The following KIF17 variants were observed in gnomAD, a reference collection of about 807,000 sequenced individuals.
KIF17 encodes the protein kinesin family member 17, also known as kinesin-like protein KIF17.
KIF17 carries 80 observed loss-of-function variants against 96.8 expected under a neutral mutation model. The observed-to-expected ratio is 0.83, with a 90% CI of 0.69 to 1.00. KIF17 has a LOEUF of 1.00. KIF17 is among the 50% of genes least tolerant of loss of function. KIF17 has a pLI of 0.00. For missense variants in KIF17, 1,280 were observed against 1,372.9 expected, an observed-to-expected ratio of 0.93 and a Z score of 1.07; for synonymous variants, 567 against 587.5, an observed-to-expected ratio of 0.97 and a Z score of 0.51.
Position 20,704,971 on chromosome 1 carries a change from C to A in KIF17, c.671-72G>T. 3 of 1,393,258 alleles carry A rather than the reference C, an allele frequency of 2.2e-6. No homozygotes were observed. The highest frequency in any genetic ancestry group is 3.0e-6 in the Non-Finnish European group (3 of 997,806). The allele number at this position is 1,393,258 out of a possible 1,614,324, so 86.3% of individuals were successfully genotyped here. On this transcript the variant is annotated intron_variant, in intron 4 of 14. Coordinates refer to ENST00000400463, the MANE Select transcript of KIF17 (RefSeq NM_001122819.3). This position sits in a 1 kb window ranked among gnomAD's most constrained non-coding sequence, Gnocchi z 6.8. ...TGTATCGAGGGCAATCAGTGCCAGG[C>A]ACTGGGTGCTCAATGCCCACCCACC...
intron 10 of KIF17, among the ~76,000 whole-genome samples, chr1:20,683,415 G>A (rs2053868500): frequency 6.6e-6 from 1 of 152,154 alleles, no homozygotes; most frequent in South Asian, 2.1e-4. Flanking sequence ...AGCACTTTGG[G>A]AGGCCTAGGC....
Position 20,672,854 on chromosome 1 carries a change from A to C in KIF17, c.2464-658T>G. 1 of 159,554 alleles carries C rather than the reference A, an allele frequency of 6.3e-6. No individual in the cohort carries two copies. The highest frequency in any genetic ancestry group is 1.7e-4 in the East Asian group (1 of 5,738). 9.9% of individuals were successfully genotyped at this position (159,554 alleles called of 1,614,324 possible). On this transcript the variant is annotated intron_variant, in intron 11 of 14. Coordinates refer to ENST00000400463, the MANE Select transcript of KIF17 (RefSeq NM_001122819.3). This position sits in a 1 kb window ranked among gnomAD's most constrained non-coding sequence, Gnocchi z 4.3. ...GTGACTGCCAGCCCCAGCCATAACC[A>C]CCCTCTCCCTGAGCCCCAAGACTAC...
Position 20,715,486 on chromosome 1 carries a change from C to A in KIF17, c.378+7G>T. ...GGCCCTGCCCCTTCCCTCTGCGAGG[C>A]CCGTACCTGGACGCTCTCGAACACG... is the stretch of plus-strand genomic sequence containing the variant. On this transcript the variant is annotated splice_region_variant and intron_variant, in intron 2 of 14. Coordinates refer to ENST00000400463, the MANE Select transcript of KIF17 (RefSeq NM_001122819.3). The A allele has an allele frequency of 6.2e-7, 1 of 1,611,780 alleles. No individual in the cohort carries two copies. Among genetic ancestry groups the A allele is most frequent in the South Asian group, 1.1e-5 (1 of 91,078 alleles).
In KIF17 at chr1:20,701,809, G is replaced by A. The variant is rs552343669; in HGVS notation, c.1123+2638C>T. Among the ~76,000 whole-genome samples, 4 of 152,322 alleles carry A rather than the reference G, an allele frequency of 2.6e-5. No homozygotes were observed. In the South Asian group the frequency reaches 6.2e-4, roughly 24 times the overall value. On this transcript the variant is annotated intron_variant, in intron 5 of 14. Coordinates refer to ENST00000400463, the MANE Select transcript of KIF17 (RefSeq NM_001122819.3). ...GGAGGCCATCGGTGACAAGGACAAC[G>A]TCAATGGGCCAGGACAGGGCCTGCC...
chr1:20,686,371 A>ATCCAC (rs2053938974), intron 8 of KIF17: 1 of 578,598 alleles, frequency 1.7e-6, no homozygotes. Flanking sequence ...CGTTGCCTGC[A>ATCCAC]TCCACTCCTC....
chr1:20,684,974 G>T lies in KIF17; in HGVS notation c.2066C>A (p.Ala689Glu). The T allele has an allele frequency of 6.2e-7, 1 of 1,605,858 alleles. No homozygotes were observed. The highest frequency in any genetic ancestry group is 1.1e-5 in the South Asian group (1 of 89,486). The change falls in exon 10 of 15, where the codon GCA becomes GAA. Residue 689 changes from alanine to glutamate, a missense_variant. By Grantham distance (107) the Ala-to-Glu change is moderately radical. Coordinates refer to ENST00000400463, the MANE Select transcript of KIF17 (RefSeq NM_001122819.3). ...SEVALEVVRT[A>E]EPGVWLEAQA... ...AGCCTCCAACCACACGCCAGGCTCT[G>T]CTGTCCGCACCACCTCTAAGGCCAC... is the stretch of plus-strand genomic sequence containing the variant.
chr1:20,709,949 G>C lies in KIF17; in HGVS notation c.481-121C>G, dbSNP rs2054409247. ...CCGCCCTCGCCCTCCTGTAATGCAG[G>C]CTGGCACCTCACATGCCTGTCACAG... On this transcript the variant is annotated intron_variant, in intron 3 of 14. Transcript: ENST00000400463. The surrounding 1 kb of genome is among the most constrained non-coding windows in gnomAD (Gnocchi z 4.7). 1 of 905,316 alleles carries C rather than the reference G, an allele frequency of 1.1e-6. No individual in the cohort carries two copies. The highest frequency in any genetic ancestry group is 1.8e-6 in the Non-Finnish European group (1 of 570,350). 56.1% of individuals were successfully genotyped at this position (905,316 alleles called of 1,614,324 possible).
intron 12 of KIF17, among the ~76,000 whole-genome samples, chr1:20,670,731 G>T (rs2053633659): frequency 6.6e-6 from 1 of 152,222 alleles, no homozygotes; most frequent in Non-Finnish European, 1.5e-5. Context: ...GCAGGCGAGG[G>T]TGGGGACAGA....
chr1:20,686,774 C>T lies in KIF17; in HGVS notation c.1938+614G>A, dbSNP rs138451132. On this transcript the variant is annotated intron_variant, in intron 8 of 14. Coordinates refer to ENST00000400463, the MANE Select transcript of KIF17 (RefSeq NM_001122819.3). ...TTTCACTTCACCATGTTGGCCAGGC[C>T]GGTCTTGAACTCCTGGCCTCAGGTG... Among the ~76,000 whole-genome samples the T allele has an allele frequency of 1.3e-3, 195 of 152,226 alleles. 1 individual carries two copies. The highest frequency in any genetic ancestry group is 3.8e-3 in the African/African-American group (158 of 41,542).
chr1:20,664,710 G>A lies in KIF17; in HGVS notation c.2961C>T (p.Ala987=), dbSNP rs2053494752. 3 of 1,612,654 alleles carry A rather than the reference G, an allele frequency of 1.9e-6. No individual in the cohort carries two copies. Among genetic ancestry groups the A allele is most frequent in the Non-Finnish European group, 1.7e-6 (2 of 1,179,854 alleles). Residue 987 remains alanine (A), a synonymous_variant, in exon 15 of 15, where the codon GCC becomes GCT. Coordinates refer to ENST00000400463, the MANE Select transcript of KIF17 (RefSeq NM_001122819.3). ...GLSCPLSNNS[A]IPPTQAPEMP... The stretch of plus-strand genomic sequence containing the variant: ...TTTCAGGGGCCTGGGTGGGTGGGAT[G>A]GCAGAGTTGTTGCTGAGTGGGCAGC...
chr1:20,694,359 A>G (rs1435691133), intron 6 of KIF17, among the ~76,000 whole-genome samples: 1 of 152,198 alleles, frequency 6.6e-6, no homozygotes. Flanking sequence ...CAGAGGAGGG[A>G]TTCAAGAAAC....
chr1:20,714,670 G>A (rs1056015305), intron 2 of KIF17, among the ~76,000 whole-genome samples: 7 of 149,376 alleles, frequency 4.7e-5, no homozygotes, highest in Non-Finnish European at 5.9e-5. Context: ...GGTGATGGGC[G>A]CCTGTAATCC....
intron 5 of KIF17, among the ~76,000 whole-genome samples, chr1:20,701,674 AG>A (rs2054239001): frequency 6.6e-6 from 1 of 152,116 alleles, no homozygotes; most frequent in African/African-American, 2.4e-5. Flanking sequence ...GCCAGGGCAG[AG>A]GGCATGTAGG....
At chr1:20,717,357 G>T in intron 1 of KIF17, 119 bp downstream of exon 1, 1 of 1,140,188 alleles carries the variant, frequency 8.8e-7, no homozygotes, top group Non-Finnish European at 1.2e-6. Flanking sequence ...ACCTGTTCCC[G>T]TCCGCCTGCG....
At chr1:20,678,541 C>G (rs1359515336) in intron 11 of KIF17, among the ~76,000 whole-genome samples, 3 of 152,034 alleles carry the variant, frequency 2.0e-5, no homozygotes, top group Admixed American at 6.6e-5. Flanking sequence ...AAAATAAAGC[C>G]ACCCTTAACC....
chr1:20,693,571 C>T (rs941893793), intron 6 of KIF17: 1 of 152,206 alleles, frequency 6.6e-6, no homozygotes, highest in Non-Finnish European at 1.5e-5. Flanking sequence ...CAGCCTCCAC[C>T]TTGGGAAGAC....
Position 20,670,527 on chromosome 1 carries a change from G to T in KIF17, c.2723-39C>A, listed in dbSNP as rs72978883. The T allele has an allele frequency of 8.6e-4, 1,373 of 1,601,254 alleles. 10 individuals carry two copies. The African/African-American group carries it at 0.017, about 19-fold the overall frequency. On this transcript the variant is annotated intron_variant, in intron 12 of 14. Coordinates refer to ENST00000400463, the MANE Select transcript of KIF17 (RefSeq NM_001122819.3). ...ACAAAAGCTGAAGTCACTGCTGCCTGGTGCAAGGCCTAGAGGAGGGCACAG... is the reference window on the plus strand; with the variant it reads ...ACAAAAGCTGAAGTCACTGCTGCCTTGTGCAAGGCCTAGAGGAGGGCACAG...
chr1:20,680,092 C>T (rs2053804850), intron 11 of KIF17, among the ~76,000 whole-genome samples: 1 of 152,142 alleles, frequency 6.6e-6, no homozygotes, highest in Admixed American at 6.5e-5. Flanking sequence ...TCAAGCGATT[C>T]GCCCACCTCA....
At chr1:20,674,797 C>T (rs2053708936) in intron 11 of KIF17, among the ~76,000 whole-genome samples, 1 of 152,082 alleles carries the variant, frequency 6.6e-6, no homozygotes, top group African/African-American at 2.4e-5. Flanking sequence ...GTTGTCCCCG[C>T]ACCATTTATT....
Sources: allele counts gnomAD v4.1 joint callset (sites outside exome capture counted in the v4.1 genomes callset), GRCh38; gene constraint gnomAD v4.1.1; non-coding constraint Gnocchi (gnomAD v3.1); transcripts MANE v1.5; gene names NCBI Gene and HGNC (gene_info 2026-07-23, HGNC 2026-07-21).